The following TTC6 variants were observed in gnomAD, a reference collection of about 807,000 sequenced individuals.
The protein encoded by TTC6 is tetratricopeptide repeat protein 6.
In TTC6, 172 loss-of-function variants were observed where a neutral mutation model predicts 210.4. The observed-to-expected ratio is 0.82, with a 90% CI of 0.72 to 0.93. The LOEUF (loss-of-function observed/expected upper bound fraction) is 0.93, where lower values mean the gene tolerates loss of function less well. Ranked by LOEUF, TTC6 falls within the 40% of genes least tolerant of loss-of-function variation. The pLI is 0.00. For missense variants in TTC6, 2,414 were observed against 2,318.1 expected, an observed-to-expected ratio of 1.04 and a Z score of -0.85; for synonymous variants, 804 against 819.6, an observed-to-expected ratio of 0.98 and a Z score of 0.32.
At chr14:37,666,502 T>C (rs2095748442) in intron 1 of TTC6, among the ~76,000 whole-genome samples, 1 of 149,870 alleles carries the variant, frequency 6.7e-6, no homozygotes, top group South Asian at 2.1e-4. Context: ...TCAATATTCT[T>C]AATTTTCCAG....
chr14:37,774,712 C>T (rs2096031685), intron 14 of TTC6, among the ~76,000 whole-genome samples: 1 of 152,066 alleles, frequency 6.6e-6, no homozygotes, highest in African/African-American at 2.4e-5. Flanking sequence ...TTGTGTTTGT[C>T]TCTCACAGGT....
intron 20 of TTC6, chr14:37,802,406 A>T (rs1232150055): frequency 6.6e-6 from 1 of 152,154 alleles, no homozygotes; most frequent in Non-Finnish European, 1.5e-5. Context: ...AAAATAAAAA[A>T]AAAATGAAAC....
At chr14:37,841,959 G>A (rs2096211148) in intron 30 of TTC6, among the ~76,000 whole-genome samples, 196 bp from the exon 33 acceptor site, 1 of 152,092 alleles carries the variant, frequency 6.6e-6, no homozygotes, top group African/African-American at 2.4e-5. Flanking sequence ...AGTTTGCTTA[G>A]AAAGATTCAA....
At chr14:37,697,735 C>T (rs1379689184) in intron 4 of TTC6, among the ~76,000 whole-genome samples, 10 of 152,104 alleles carry the variant, frequency 6.6e-5, no homozygotes, top group Admixed American at 6.5e-4. Context: ...GCTTTAAGCT[C>T]ATTTAGTTAG....
At chr14:37,622,800 G>A (rs1468953117) in exon 1 of TTC6, 6 of 1,533,902 alleles carry the variant, frequency 3.9e-6, no homozygotes, top group Non-Finnish European at 5.2e-6. Flanking sequence ...GGCGGGGTTA[G>A]GAGCCCAGGG....
chr14:37,706,103 C>G (rs1188906384), intron 5 of TTC6, among the ~76,000 whole-genome samples: 1 of 152,044 alleles, frequency 6.6e-6, no homozygotes, highest in Non-Finnish European at 1.5e-5. Flanking sequence ...TTTATGGTTA[C>G]CCCGTATGTA....
chr14:37,757,240 CTTTAT>C (rs944881773), intron 14 of TTC6, among the ~76,000 whole-genome samples: 9 of 151,402 alleles, frequency 5.9e-5, no homozygotes, highest in African/African-American at 1.9e-4. Context: ...CTCTTTTCTT[CTTTAT>C]TTTAATTAAT....
At chr14:37,796,985 A>T (rs1384671754) in intron 20 of TTC6, 38 bp downstream of exon 22, 33 of 1,542,378 alleles carry the variant, frequency 2.1e-5, no homozygotes, top group Non-Finnish European at 2.9e-5. Context: ...TAAACCTATT[A>T]ATGAAGTGTA....
rs1304357079 is a variant in TTC6, at chr14:37,821,075, C to CT, written c.4764-2662dup. 4.5e-3 allele frequency among the ~76,000 whole-genome samples: 619 copies of CT among 138,264 alleles called. 3 individuals are homozygous for CT. Among genetic ancestry groups the CT allele is most frequent in the African/African-American group, 0.015 (547 of 37,704 alleles). The allele number at this position is 138,264 out of a possible 152,430, so 90.7% of individuals were successfully genotyped here. On this transcript the variant is annotated intron_variant, in intron 26 of 30. Transcript: ENST00000553443. ...TTCCTTCTTCTTTCTTTTTTCCTTT[C>CT]TTTTTTTTTTGAGATGGAGTCTTAC...
At chr14:37,671,345 A>G (rs974245933) in intron 1 of TTC6, among the ~76,000 whole-genome samples, 16 of 152,136 alleles carry the variant, frequency 1.1e-4, no homozygotes, top group Admixed American at 9.2e-4. Context: ...TTTCTGCTAT[A>G]TCTTATTGAT....
At chr14:37,617,113 C>T (rs1480011530), upstream of TTC6, among the ~76,000 whole-genome samples, 1 of 152,052 alleles carries the variant, frequency 6.6e-6, no homozygotes, top group African/African-American at 2.4e-5. Flanking sequence ...TGGGCTCAAG[C>T]GATTCTCCCT....
intron 10 of TTC6, among the ~76,000 whole-genome samples, chr14:37,740,411 T>A (rs1474904099): frequency 6.6e-6 from 1 of 152,120 alleles, no homozygotes. Flanking sequence ...TTTTTAGATA[T>A]CCCCAGACAT....
rs992923042 is a variant in TTC6, at chr14:37,804,911, A to T, written c.4164+97A>T. 5.1e-6 allele frequency: 7 copies of T among 1,383,034 alleles called. No individual in the cohort carries two copies. The African/African-American group carries it at 1.0e-4, about 20-fold the overall frequency. The allele number at this position is 1,383,034 out of a possible 1,614,324, so 85.7% of individuals were successfully genotyped here. A position where few individuals can be genotyped will look rare whatever the true frequency, so the allele number is the denominator to read the frequency against. On this transcript the variant is annotated intron_variant, in intron 21 of 30. Coordinates refer to ENST00000553443, the Ensembl canonical transcript of TTC6. ...CTGAAGGCCACCTATACAGTGGGCA[A>T]CCGGTCCAAAGCTGCTTATGAAGCT...
In TTC6 at chr14:37,817,089, C is replaced by CTGCTCCAA. The variant is rs2096143766; in HGVS notation, c.4690-489_4690-488insTGCTCCAA. Reference sequence around the variant, plus strand: ...TCACCAGAAGTGTGGATTCCAAAGGCAGGAGCAGCCCCAGCTCATCCACAC... The same window carrying CTGCTCCAA: ...TCACCAGAAGTGTGGATTCCAAAGGCTGCTCCAAAGGAGCAGCCCCAGCTCATCCACAC... On this transcript the variant is annotated intron_variant, in intron 25 of 30. Transcript: ENST00000553443. Among the ~76,000 whole-genome samples, 6 of 152,320 alleles carry CTGCTCCAA rather than the reference C, an allele frequency of 3.9e-5. No homozygotes were observed. The South Asian group carries it at 1.2e-3, about 32-fold the overall frequency.
chr14:37,658,724 GAAAGA>G (rs2095730359), intron 1 of TTC6, among the ~76,000 whole-genome samples: 1 of 152,146 alleles, frequency 6.6e-6, no homozygotes, highest in African/African-American at 2.4e-5. Flanking sequence ...ATTTAAACAA[GAAAGA>G]AAAGAAAAGT....
chr14:37,633,792 A>G (rs1289945561), intron 1 of TTC6, among the ~76,000 whole-genome samples: 2 of 152,124 alleles, frequency 1.3e-5, no homozygotes, highest in African/African-American at 2.4e-5. Flanking sequence ...AGACACTCCT[A>G]TTCTTTCCAA....
At chr14:37,738,372 A>G (rs4432183) in intron 9 of TTC6, among the ~76,000 whole-genome samples, 96,307 of 151,618 alleles carry the variant, frequency 0.64, 31,808 homozygotes, top group East Asian at 0.9. Context: ...AAGAAAACCC[A>G]AATTGATTTT....
At chr14:37,806,587 T>A in intron 22 of TTC6, 77 bp downstream of exon 24, 1 of 1,340,240 alleles carries the variant, frequency 7.5e-7, no homozygotes, top group South Asian at 1.7e-5. Flanking sequence ...TGTGCCATTG[T>A]TATTAATTAC....
At chr14:37,675,506 G>A (rs71407709) in intron 1 of TTC6, among the ~76,000 whole-genome samples, 8,689 of 152,018 alleles carry the variant, frequency 0.057, 379 homozygotes, top group Non-Finnish European at 0.089. Context: ...TCTACTTTTT[G>A]TCTATTGTGA....
Sources: gnomAD v4.1 joint callset for allele counts (sites outside exome capture counted in the v4.1 genomes callset) on GRCh38, gnomAD v4.1.1 for gene constraint, MANE v1.5 for transcripts, NCBI Gene and HGNC (gene_info 2026-07-23, HGNC 2026-07-21) for gene names.